The following CHRNA2 variants were observed in gnomAD, a reference collection of about 807,000 sequenced individuals.
The protein encoded by CHRNA2 is cholinergic receptor nicotinic alpha 2 subunit, also known as neuronal acetylcholine receptor subunit alpha-2.
A neutral mutation model predicts 45.5 loss-of-function variants in CHRNA2; 40 were observed. That is an observed-to-expected ratio of 0.88 (90% CI 0.68 to 1.15). CHRNA2 has a LOEUF of 1.15. CHRNA2 is among the 50% of genes most tolerant of loss of function. The probability of loss-of-function intolerance (pLI) is 0.00; values close to 1 mark genes in which losing one functional copy is unlikely to be tolerated. For missense variants in CHRNA2, 655 were observed against 701.7 expected (o/e 0.93, Z 0.75); for synonymous variants, 301 against 296.7 (o/e 1.01, Z -0.15).
intron 1 of CHRNA2, among the ~76,000 whole-genome samples, chr8:27,476,503 C>G (rs150630677): frequency 6.6e-6 from 1 of 152,186 alleles, no homozygotes; most frequent in African/African-American, 2.4e-5. Context: ...GATTAAATCT[C>G]GTTAATACCC....
At chr8:27,476,136 G>GTTT (rs751530749) in intron 1 of CHRNA2, among the ~76,000 whole-genome samples, 1 of 152,146 alleles carries the variant, frequency 6.6e-6, no homozygotes, top group East Asian at 1.9e-4. Flanking sequence ...TGTTGTTGTT[G>GTTT]TTTCATGCTT....
At chr8:27,476,629 C>G (rs1813068585) in intron 1 of CHRNA2, among the ~76,000 whole-genome samples, 1 of 152,226 alleles carries the variant, frequency 6.6e-6, no homozygotes, top group African/African-American at 2.4e-5. Flanking sequence ...TTCATCCTTT[C>G]TACCTGGAGG....
chr8:27,476,423 C>G (rs1240963934), intron 1 of CHRNA2, among the ~76,000 whole-genome samples: 1 of 152,198 alleles, frequency 6.6e-6, no homozygotes, highest in Admixed American at 6.5e-5. Context: ...GAGTCTGAAT[C>G]TGCATAAGCA....
chr8:27,476,764 A>AT (rs1467771043), intron 1 of CHRNA2, among the ~76,000 whole-genome samples: 1 of 152,230 alleles, frequency 6.6e-6, no homozygotes, highest in Non-Finnish European at 1.5e-5. Context: ...GTCTACTTTC[A>AT]TACAGGCGTG....
intron 3 of CHRNA2, 21 bp from the exon 4 acceptor site, chr8:27,469,400 G>C (rs1164265701): frequency 1.3e-6 from 2 of 1,554,308 alleles, no homozygotes; most frequent in Non-Finnish European, 1.7e-6. Context: ...GAGAGACAGA[G>C]GAGCAATTAA....
chr8:27,471,795 C>T (rs972266421), intron 1 of CHRNA2, among the ~76,000 whole-genome samples: 1 of 152,204 alleles, frequency 6.6e-6, no homozygotes, highest in Non-Finnish European at 1.5e-5. Flanking sequence ...TCCTGGAATA[C>T]AACTCCTAAG....
chr8:27,467,293 T>C lies in CHRNA2; in HGVS notation c.385A>G (p.Asn129Asp), dbSNP rs1418872943. ...GAAGGGACCCTGAGAGATGTGATGT[T>C]GCCAAAATCAGTGGGGTTCCAGCGC... is the stretch of plus-strand genomic sequence containing the variant. ...KLRWNPTDFG[N>D]ITSLRVPSEM... The change falls in exon 5 of 7, where the codon AAC (asparagine) becomes GAC (aspartate). Residue 129 changes from asparagine to aspartate, a missense_variant. Around this residue, in one of 3 missense-constraint regions of CHRNA2, gnomAD observed 323 missense variants for 354.4 expected, o/e 0.91. Transcript: ENST00000407991. 2 of 1,613,982 alleles carry C rather than the reference T, an allele frequency of 1.2e-6. No homozygotes were observed. The highest frequency in any genetic ancestry group is 1.7e-6 in the Non-Finnish European group (2 of 1,179,934).
In CHRNA2 at chr8:27,467,354, G is replaced by T. The variant is rs368477570; in HGVS notation, c.340-16C>A. On this transcript the variant is annotated splice_polypyrimidine_tract_variant and intron_variant, in intron 4 of 6. Coordinates refer to ENST00000407991, the MANE Select transcript of CHRNA2 (RefSeq NM_000742.4). Reference sequence around the variant, plus strand: ...CGCTCCACTCCTGTGTGTGGGGAAGGAGTTGTGTCAACCTCGCTTCCAGGG... The same window carrying T: ...CGCTCCACTCCTGTGTGTGGGGAAGTAGTTGTGTCAACCTCGCTTCCAGGG... The T allele has an allele frequency of 9.8e-5, 156 of 1,590,396 alleles. No individual in the cohort carries two copies. In the South Asian group the frequency reaches 1.6e-3, roughly 16 times the overall value.
At chr8:27,462,770 G>T (rs1812536783) in intron 6 of CHRNA2, among the ~76,000 whole-genome samples, 1 of 152,224 alleles carries the variant, frequency 6.6e-6, no homozygotes, top group South Asian at 2.1e-4. Context: ...ACTCCGTGGT[G>T]TGTAACATGC....
At position 27,467,369 on chromosome 8, in the gene CHRNA2, C is replaced by T. The variant is rs751801366; in HGVS notation, c.340-31G>A. 3.2e-6 allele frequency: 5 copies of T among 1,552,146 alleles called. No individual in the cohort carries two copies. The East Asian group carries it at 6.8e-5, about 21-fold the overall frequency. On this transcript the variant is annotated intron_variant, in intron 4 of 6. Coordinates refer to ENST00000407991, the MANE Select transcript of CHRNA2 (RefSeq NM_000742.4). The stretch of plus-strand genomic sequence containing the variant: ...TGTGGGGAAGGAGTTGTGTCAACCT[C>T]GCTTCCAGGGAGCAGCCTAGGGCAA...
In CHRNA2 at chr8:27,463,671, C is replaced by A. The variant is rs200372256; in HGVS notation, c.772G>T (p.Ala258Ser). The A allele has an allele frequency of 6.2e-7, 1 of 1,613,988 alleles. No individual in the cohort carries two copies. Among genetic ancestry groups the A allele is most frequent in the Non-Finnish European group, 8.5e-7 (1 of 1,179,972 alleles). The change falls in exon 6 of 7, where the codon GCC becomes TCC. Residue 258 changes from alanine to serine, a missense_variant. Ala to Ser is a moderately conservative substitution (Grantham distance 99). Around this residue, in one of 3 missense-constraint regions of CHRNA2, gnomAD observed 323 missense variants for 354.4 expected, o/e 0.91. Transcript: ENST00000407991. The surrounding 1 kb of genome is among the most constrained non-coding windows in gnomAD (Gnocchi z 6.1). ...AGCGGCAGCCGCCGGATGACGAAGGCGTAGGTGACGTCGGGGTAGATCTCG... is the reference window on the plus strand; with the variant it reads ...AGCGGCAGCCGCCGGATGACGAAGGAGTAGGTGACGTCGGGGTAGATCTCG... ...CAEIYPDVTY[A>S]FVIRRLPLFY...
Position 27,460,031 on chromosome 8 carries a change from A to ACAGC in CHRNA2, c.*1594_*1597dup, listed in dbSNP as rs1351769283. ...ATGGCAGGGCCTGGGCCAGGGCGTC[A>ACAGC]CAGCCAGGCTGGTTTCCCCTGAGAG... On this transcript the variant is annotated 3_prime_UTR_variant, in exon 7 of 7. Coordinates refer to ENST00000407991, the MANE Select transcript of CHRNA2 (RefSeq NM_000742.4). The ACAGC allele has an allele frequency of 6.6e-6, 1 of 152,638 alleles. No individual in the cohort carries two copies. The highest frequency in any genetic ancestry group is 1.5e-5 in the Non-Finnish European group (1 of 68,438). 9.5% of individuals were successfully genotyped at this position (152,638 alleles called of 1,614,324 possible).
chr8:27,469,523 C>A, intron 3 of CHRNA2, 144 bp from the exon 4 acceptor site: 1 of 944,932 alleles, frequency 1.1e-6, no homozygotes, highest in South Asian at 1.4e-5. Context: ...AACCTGCCAC[C>A]CTTACTCAGA....
At chr8:27,476,736 T>A (rs147557620) in intron 1 of CHRNA2, among the ~76,000 whole-genome samples, 388 of 152,342 alleles carry the variant, frequency 2.5e-3, no homozygotes, top group Non-Finnish European at 4.5e-3. Context: ...AAAAGAGTTG[T>A]GAAATTCCAT....
At chr8:27,478,227 T>C (rs1813120931) in intron 1 of CHRNA2, among the ~76,000 whole-genome samples, 1 of 152,202 alleles carries the variant, frequency 6.6e-6, no homozygotes, top group Non-Finnish European at 1.5e-5. Context: ...TGATTTCTTC[T>C]TCCAAATAAA....
Position 27,461,388 on chromosome 8 carries a change from G to A in CHRNA2, c.*241C>T, listed in dbSNP as rs1160006773. The A allele has an allele frequency of 8.9e-6, 5 of 559,454 alleles. No individual in the cohort carries two copies. Among genetic ancestry groups the A allele is most frequent in the East Asian group, 3.2e-5 (1 of 31,630 alleles). 34.7% of individuals were successfully genotyped at this position (559,454 alleles called of 1,614,324 possible). Reference sequence around the variant, plus strand: ...CCCCACTTGGTCACCACACTATTGCGACCTTCTGCAGAGCTTCCCCAGCTC... The same window carrying A: ...CCCCACTTGGTCACCACACTATTGCAACCTTCTGCAGAGCTTCCCCAGCTC... On this transcript the variant is annotated 3_prime_UTR_variant, in exon 7 of 7. Coordinates refer to ENST00000407991, the MANE Select transcript of CHRNA2 (RefSeq NM_000742.4).
rs950245569 is a variant in CHRNA2 at position 27,460,622 on chromosome 8, G to GCCT, written c.*1004_*1006dup. ...CAAAGATCTTCAACTCCCAAGTGAG[G>GCCT]CCTCCTCCTGATGGAGCCAGGCACA... On this transcript the variant is annotated 3_prime_UTR_variant, in exon 7 of 7. Transcript: ENST00000407991. The GCCT allele has an allele frequency of 6.6e-6, 1 of 152,268 alleles. No individual in the cohort carries two copies. The highest frequency in any genetic ancestry group is 1.9e-4 in the East Asian group (1 of 5,186). The allele number at this position is 152,268 out of a possible 1,614,324, so 9.4% of individuals were successfully genotyped here.
At chr8:27,466,910 C>T (rs1300772098) in intron 5 of CHRNA2, among the ~76,000 whole-genome samples, 1 of 152,214 alleles carries the variant, frequency 6.6e-6, no homozygotes, top group Non-Finnish European at 1.5e-5. Flanking sequence ...CCCCTCACAA[C>T]TTCAACCCCA....
At chr8:27,471,385 A>G (rs1812878820) in intron 1 of CHRNA2, among the ~76,000 whole-genome samples, 191 bp from the exon 2 acceptor site, 1 of 152,212 alleles carries the variant, frequency 6.6e-6, no homozygotes, top group South Asian at 2.1e-4. Context: ...AGAGTCAGCC[A>G]GCGACTCTGC....
Sources: gnomAD v4.1 joint callset for allele counts (sites outside exome capture counted in the v4.1 genomes callset) on GRCh38, gnomAD v4.1.1 for gene constraint, gnomAD v4.1.1 regional missense constraint, Gnocchi (gnomAD v3.1) non-coding constraint, MANE v1.5 for transcripts, NCBI Gene and HGNC (gene_info 2026-07-23, HGNC 2026-07-21) for gene names.